Variants in RGS17 observed in about 807,000 individuals in gnomAD.
RGS17 encodes regulator of G protein signaling 17.
In RGS17, 12 loss-of-function variants were observed where a neutral mutation model predicts 25.5. The observed-to-expected ratio is 0.47, with a 90% confidence interval of 0.30 to 0.76. RGS17 has a LOEUF of 0.76. Ranked by LOEUF, RGS17 falls within the 30% of genes least tolerant of loss-of-function variation. RGS17 has a pLI of 0.07. For synonymous variants in RGS17, 71 were observed against 76.9 expected (o/e 0.92, Z 0.40); for missense variants, 196 against 242.2 (o/e 0.81, Z 1.27).
intron 1 of RGS17, among the ~76,000 whole-genome samples, chr6:153,115,160 G>A (rs531938656): frequency 1.4e-4 from 21 of 152,206 alleles, no homozygotes; most frequent in East Asian, 1.2e-3. Context: ...TGCAGATAAC[G>A]TGATTGTATA....
At chr6:153,095,572 T>A (rs866885793) in intron 1 of RGS17, among the ~76,000 whole-genome samples, 1 of 152,262 alleles carries the variant, frequency 6.6e-6, no homozygotes, top group Middle Eastern at 3.4e-3. Context: ...TATAGAGATA[T>A]AAAATTGAAT....
At chr6:153,098,654 G>A (rs1382129071) in intron 1 of RGS17, among the ~76,000 whole-genome samples, 1 of 152,146 alleles carries the variant, frequency 6.6e-6, no homozygotes, top group Non-Finnish European at 1.5e-5. Context: ...GAACCACAAA[G>A]AGTTCAAAGT....
At chr6:153,111,492 G>C (rs929688998) in intron 1 of RGS17, among the ~76,000 whole-genome samples, 1 of 152,202 alleles carries the variant, frequency 6.6e-6, no homozygotes, top group African/African-American at 2.4e-5. Flanking sequence ...GCACCTGGGG[G>C]AAGGGGTGGC....
At chr6:153,106,058 C>T (rs1202387182) in intron 1 of RGS17, among the ~76,000 whole-genome samples, 1 of 151,960 alleles carries the variant, frequency 6.6e-6, no homozygotes, top group African/African-American at 2.4e-5. Context: ...GGTAAGGAGT[C>T]CTGAAGAGGT....
chr6:153,018,928 A>C (rs1779211517), intron 4 of RGS17, among the ~76,000 whole-genome samples: 1 of 152,256 alleles, frequency 6.6e-6, no homozygotes, highest in Admixed American at 6.5e-5. Flanking sequence ...TCACTTAAAG[A>C]CATATCTACA....
chr6:153,027,813 T>C (rs186434649), intron 2 of RGS17, among the ~76,000 whole-genome samples: 20 of 152,264 alleles, frequency 1.3e-4, no homozygotes, highest in East Asian at 1.9e-4. Flanking sequence ...ACTGAGGTCA[T>C]AGACCACTTA....
intron 1 of RGS17, among the ~76,000 whole-genome samples, chr6:153,099,748 C>T (rs1048209505): frequency 6.6e-6 from 1 of 152,166 alleles, no homozygotes; most frequent in African/African-American, 2.4e-5. Flanking sequence ...CCTAAATTCT[C>T]TACACTTCAG....
chr6:153,048,229 A>C (rs1232798745), intron 1 of RGS17, among the ~76,000 whole-genome samples: 1 of 152,128 alleles, frequency 6.6e-6, no homozygotes, highest in Non-Finnish European at 1.5e-5. Flanking sequence ...CTCCAATTTT[A>C]CTGAATGAAA....
intron 1 of RGS17, among the ~76,000 whole-genome samples, chr6:153,075,715 TGAGA>T (rs1776866711): frequency 1.3e-5 from 2 of 152,286 alleles, no homozygotes; most frequent in East Asian, 3.9e-4. Flanking sequence ...GTCAAAAAAA[TGAGA>T]AAGATCTCTA....
intron 1 of RGS17, among the ~76,000 whole-genome samples, chr6:153,071,606 T>C (rs771770198): frequency 1.3e-5 from 2 of 152,194 alleles, no homozygotes; most frequent in Non-Finnish European, 2.9e-5. Context: ...TTAATAGACA[T>C]AAAACTGCTG....
At chr6:153,119,452 A>G (rs557916603) in intron 1 of RGS17, among the ~76,000 whole-genome samples, 2 of 152,300 alleles carry the variant, frequency 1.3e-5, no homozygotes, top group South Asian at 4.1e-4. Context: ...GCACTTTGGG[A>G]GGCTGAGGCG....
At chr6:153,029,676 C>T (rs1303600338) in intron 2 of RGS17, among the ~76,000 whole-genome samples, 1 of 151,760 alleles carries the variant, frequency 6.6e-6, no homozygotes, top group African/African-American at 2.4e-5. Flanking sequence ...CTGCAAGCTC[C>T]GCCTCCCGGG....
chr6:153,010,130 C>G lies in RGS17; in HGVS notation c.*1444G>C, dbSNP rs1208318169. ...TCAGTGGATATAAATCTTTTTAAAA[C>G]TTTCATTTTAGGTTACTCAGTATTA... On this transcript the variant is annotated 3_prime_UTR_variant, in exon 5 of 5. Coordinates refer to ENST00000206262, the MANE Select transcript of RGS17 (RefSeq NM_012419.5). 1.3e-5 allele frequency: 2 copies of G among 151,492 alleles called. No individual in the cohort carries two copies. Among genetic ancestry groups the G allele is most frequent in the Admixed American group, 1.3e-4 (2 of 15,230 alleles). 9.4% of individuals were successfully genotyped at this position (151,492 alleles called of 1,614,324 possible). A position where few individuals can be genotyped will look rare whatever the true frequency, so the allele number is the denominator to read the frequency against.
chr6:153,060,348 T>C (rs913779085), intron 1 of RGS17, among the ~76,000 whole-genome samples: 3 of 152,194 alleles, frequency 2.0e-5, no homozygotes, highest in Non-Finnish European at 4.4e-5. Context: ...TCGGACATCC[T>C]AAACAGTCTC....
chr6:153,124,845 T>C (rs1356040636), intron 1 of RGS17, among the ~76,000 whole-genome samples: 2 of 152,100 alleles, frequency 1.3e-5, no homozygotes, highest in African/African-American at 4.8e-5. Flanking sequence ...CCTGAAAAAA[T>C]AGGAGAGTTT....
At chr6:153,123,022 TAATACTCC>T (rs551550762) in intron 1 of RGS17, among the ~76,000 whole-genome samples, 1,560 of 138,624 alleles carry the variant, frequency 0.011, 37 homozygotes, top group African/African-American at 0.038. Context: ...TTGGAGTATT[TAATACTCC>T]AATGTACACT....
intron 1 of RGS17, among the ~76,000 whole-genome samples, chr6:153,113,640 C>T (rs930746614): frequency 4.6e-5 from 7 of 152,140 alleles, no homozygotes; most frequent in African/African-American, 1.7e-4. Flanking sequence ...CTTCTTAGCA[C>T]CACATTGCAC....
chr6:153,011,233 A>G lies in RGS17; in HGVS notation c.*341T>C, dbSNP rs1779129168. 5.3e-6 allele frequency: 1 copy of G among 189,568 alleles called. No homozygotes were observed. Among genetic ancestry groups the G allele is most frequent in the Admixed American group, 6.1e-5 (1 of 16,362 alleles). 11.7% of individuals were successfully genotyped at this position (189,568 alleles called of 1,614,324 possible). A position where few individuals can be genotyped will look rare whatever the true frequency, so the allele number is the denominator to read the frequency against. On this transcript the variant is annotated 3_prime_UTR_variant, in exon 5 of 5. Transcript: ENST00000206262. ...AAGTTATGCTACTGGATTAAATATT[A>G]CAACAACTATGTGGCAAATGAAGCA...
chr6:153,036,484 C>T (rs755449662), intron 2 of RGS17, among the ~76,000 whole-genome samples: 8 of 152,106 alleles, frequency 5.3e-5, no homozygotes, highest in South Asian at 2.1e-4. Context: ...TGCTTTTCAC[C>T]CTGGAATACT....
Sources: gnomAD v4.1 joint callset for allele counts (sites outside exome capture counted in the v4.1 genomes callset) on GRCh38, gnomAD v4.1.1 for gene constraint, MANE v1.5 for transcripts, NCBI Gene and HGNC (gene_info 2026-07-23, HGNC 2026-07-21) for gene names.